The following USP54 variants were observed in gnomAD, a reference collection of about 807,000 sequenced individuals.
The protein encoded by USP54 is ubiquitin specific peptidase 54.
In USP54, 87 loss-of-function variants were observed where a neutral mutation model predicts 170.5. The ratio of observed to expected loss-of-function variants is 0.51; its 90% CI spans 0.43 to 0.61. The LOEUF (loss-of-function observed/expected upper bound fraction) is 0.61, where lower values mean the gene tolerates loss of function less well. Among genes scored for constraint, USP54 ranks in the 20% least tolerant of loss-of-function variants. USP54 has a pLI of 0.00. For synonymous variants in USP54, 655 were observed against 742.8 expected (o/e 0.88, Z 1.92); for missense variants, 1,786 against 2,047.8 (o/e 0.87, Z 2.47).
chr10:73,601,555 T>C (rs1484249027), intron 1 of USP54, among the ~76,000 whole-genome samples: 1 of 152,096 alleles, frequency 6.6e-6, no homozygotes, highest in African/African-American at 2.4e-5. Flanking sequence ...TGTCAATCAT[T>C]TCCTGCTTCT....
In USP54 at chr10:73,516,395, C is replaced by T; in HGVS notation, c.4031G>A (p.Trp1344Ter). 6.2e-7 allele frequency: 1 copy of T among 1,612,138 alleles called. No homozygotes were observed. Among genetic ancestry groups the T allele is most frequent in the Non-Finnish European group, 8.5e-7 (1 of 1,179,156 alleles). Residue 1344 changes from tryptophan to a stop codon, truncating the protein, a stop_gained, in exon 20 of 24, where the codon TGG becomes TAG. Transcript: ENST00000687698. LOFTEE classifies it high-confidence loss of function. Reference sequence around the variant, plus strand: ...CTTACCTGTTTGGCTAAGTGGGTGCCAGGCGGTATCCTGCTGCCCCCATCC... The same window carrying T: ...CTTACCTGTTTGGCTAAGTGGGTGCTAGGCGGTATCCTGCTGCCCCCATCC... ...CSGWGQQDTA[W>*]HPLSQTGSAD...
intron 19 of USP54, chr10:73,518,321 T>C (rs2061368601): frequency 1.2e-6 from 1 of 827,724 alleles, no homozygotes. Flanking sequence ...GATTTTGTTC[T>C]ATTAGTCACT....
chr10:73,586,415 G>A (rs1011538993), intron 1 of USP54, among the ~76,000 whole-genome samples: 2 of 152,164 alleles, frequency 1.3e-5, no homozygotes, highest in African/African-American at 2.4e-5. Context: ...GCATGGTGGG[G>A]TTTGGATTAC....
chr10:73,499,007 A>C lies in USP54; in HGVS notation c.4677T>G (p.Thr1559=). 3 of 1,614,126 alleles carry C rather than the reference A, an allele frequency of 1.9e-6. No homozygotes were observed. The highest frequency in any genetic ancestry group is 2.5e-6 in the Non-Finnish European group (3 of 1,180,012). ...NQHIGTRFLT[T]PGCNPQLTYT... ...AGGTTAGTTGAGGATTGCACCCTGG[A>C]GTAGTCAGGAATCTGGTCCCAATAT... is the stretch of plus-strand genomic sequence containing the variant. Residue 1559 remains threonine, a synonymous_variant, in exon 24 of 24, where the codon ACT becomes ACG. Transcript: ENST00000687698.
intron 1 of USP54, among the ~76,000 whole-genome samples, chr10:73,585,305 A>C (rs2077348008): frequency 6.6e-6 from 1 of 152,206 alleles, no homozygotes; most frequent in Non-Finnish European, 1.5e-5. Context: ...GCTATAAAGA[A>C]ATACCCAAGG....
intron 20 of USP54, among the ~76,000 whole-genome samples, chr10:73,512,840 T>C (rs931739978): frequency 3.3e-5 from 5 of 152,182 alleles, no homozygotes; most frequent in Non-Finnish European, 2.9e-5. Context: ...CTGGCCAGTA[T>C]GTATCAATAT....
chr10:73,620,302 G>A, intron 1 of USP54, among the ~76,000 whole-genome samples: 1 of 144,780 alleles, frequency 6.9e-6, no homozygotes, highest in African/African-American at 2.8e-5. Context: ...GACAGAGCGA[G>A]ACTCCATCTC....
At chr10:73,553,257 G>A (rs2070033987) in intron 4 of USP54, 1 of 152,170 alleles carries the variant, frequency 6.6e-6, no homozygotes, top group African/African-American at 2.4e-5. Context: ...CTGAGAATCT[G>A]AATGCATTCA....
chr10:73,522,725 A>G (rs1051167430), intron 17 of USP54, among the ~76,000 whole-genome samples: 1 of 152,236 alleles, frequency 6.6e-6, no homozygotes, highest in Non-Finnish European at 1.5e-5. Flanking sequence ...ATTACCTTGA[A>G]TCAAAAGAGA....
rs112881969 is a variant in USP54, at chr10:73,575,921, AG to A, written c.-142del. Reference sequence around the variant, plus strand: ...AACATGGCACAGGACTAATGCAAACAGAGAAATCCTTAAGTATTGCTTCCTT... The same window carrying A: ...AACATGGCACAGGACTAATGCAAACAAGAAATCCTTAAGTATTGCTTCCTT... On this transcript the variant is annotated 5_prime_UTR_variant, in exon 2 of 24. Coordinates refer to ENST00000687698, the MANE Select transcript of USP54 (RefSeq NM_001391956.1). 72 of 286,486 alleles carry A rather than the reference AG, an allele frequency of 2.5e-4. No homozygotes were observed. The highest frequency in any genetic ancestry group is 1.5e-3 in the African/African-American group (69 of 45,914). 17.7% of individuals were successfully genotyped at this position (286,486 alleles called of 1,614,324 possible).
intron 1 of USP54, among the ~76,000 whole-genome samples, chr10:73,580,929 C>T (rs1169337685): frequency 6.6e-6 from 1 of 152,134 alleles, no homozygotes; most frequent in African/African-American, 2.4e-5. Flanking sequence ...AGCATAGCAG[C>T]AGTAGGCTAT....
chr10:73,611,369 C>A (rs2080124120), intron 1 of USP54, among the ~76,000 whole-genome samples: 1 of 152,002 alleles, frequency 6.6e-6, no homozygotes, highest in South Asian at 2.1e-4. Flanking sequence ...TAGTGAAGTA[C>A]AAGGTATGGT....
At chr10:73,581,650 G>A (rs2076919038) in intron 1 of USP54, among the ~76,000 whole-genome samples, 1 of 152,162 alleles carries the variant, frequency 6.6e-6, no homozygotes, top group East Asian at 1.9e-4. Context: ...TATAGTATAT[G>A]TCACTTGAGA....
intron 20 of USP54, among the ~76,000 whole-genome samples, chr10:73,511,647 G>A (rs192201345): frequency 2.8e-4 from 43 of 151,906 alleles, no homozygotes; most frequent in African/African-American, 9.4e-4. Context: ...GCAACAGAGC[G>A]AGACTCTGTC....
chr10:73,540,308 C>T (rs1486418615), intron 9 of USP54, among the ~76,000 whole-genome samples: 3 of 150,126 alleles, frequency 2.0e-5, no homozygotes, highest in Non-Finnish European at 3.0e-5. Flanking sequence ...CGGTGGCTCA[C>T]GCCTGTAATC....
chr10:73,533,102 C>A (rs1564727062), intron 12 of USP54, among the ~76,000 whole-genome samples: 1 of 152,042 alleles, frequency 6.6e-6, no homozygotes. Flanking sequence ...GTCAGGAGAT[C>A]GAGACCATCC....
At chr10:73,539,368 G>T (rs2066060152) in intron 10 of USP54, 76 bp downstream of exon 10, 4 of 1,258,938 alleles carry the variant, frequency 3.2e-6, no homozygotes, top group East Asian at 2.6e-5. Flanking sequence ...TTATGAAAAT[G>T]AAACACTAAA....
At chr10:73,508,885 C>G (rs542797752) in intron 20 of USP54, among the ~76,000 whole-genome samples, 1 of 151,148 alleles carries the variant, frequency 6.6e-6, no homozygotes, top group South Asian at 2.1e-4. Context: ...CCAGGCTGGT[C>G]TTGAATTCCT....
chr10:73,530,228 T>C lies in USP54; in HGVS notation c.1743A>G (p.Glu581=), dbSNP rs1179107957. 1.9e-6 allele frequency: 3 copies of C among 1,614,178 alleles called. No homozygotes were observed. Among genetic ancestry groups the C allele is most frequent in the Middle Eastern group, 3.3e-4 (2 of 6,036 alleles). Reference sequence around the variant, plus strand: ...TAAAGATACTGTCAATATTCAGAGATTCTCGTTTGGGTCTCCATGTGGGAC... The same window carrying C: ...TAAAGATACTGTCAATATTCAGAGACTCTCGTTTGGGTCTCCATGTGGGAC... ...KYRPTWRPKR[E]SLNIDSIFSK... The change falls in exon 14 of 24, where the codon GAA becomes GAG. Residue 581 remains glutamate (E), a synonymous_variant. Coordinates refer to ENST00000687698, the MANE Select transcript of USP54 (RefSeq NM_001391956.1).
Sources: gnomAD v4.1 joint callset for allele counts (sites outside exome capture counted in the v4.1 genomes callset) on GRCh38, gnomAD v4.1.1 for gene constraint, MANE v1.5 for transcripts, NCBI Gene and HGNC (gene_info 2026-07-23, HGNC 2026-07-21) for gene names.